Variants in CADM2 observed in about 807,000 individuals in gnomAD.
CADM2 encodes the protein immunoglobulin superfamily member 4D.
In CADM2, 12 loss-of-function variants were observed where a neutral mutation model predicts 49.8. That is an observed-to-expected ratio of 0.24 (90% CI 0.15 to 0.39). The LOEUF is 0.39. Among genes scored for constraint, CADM2 ranks in the 10% least tolerant of loss-of-function variants. The pLI is 1.00. For missense variants in CADM2, 378 were observed against 492.3 expected (o/e 0.77, Z 2.20); for synonymous variants, 214 against 175.4 (o/e 1.22, Z -1.74).
At chr3:85,324,099 A>G (rs1387388956) in intron 1 of CADM2, among the ~76,000 whole-genome samples, 2 of 152,214 alleles carry the variant, frequency 1.3e-5, no homozygotes, top group South Asian at 2.1e-4. Context: ...TCCATTTTAT[A>G]TGCTGCATCC....
intron 7 of CADM2, among the ~76,000 whole-genome samples, chr3:85,936,913 G>C (rs1053466405): frequency 1.3e-4 from 20 of 151,458 alleles, no homozygotes; most frequent in African/African-American, 3.9e-4. Flanking sequence ...GATTGTTTTT[G>C]GTCTTCTTTC....
intron 1 of CADM2, among the ~76,000 whole-genome samples, chr3:85,544,350 G>A (rs1169711956): frequency 6.6e-6 from 1 of 151,984 alleles, no homozygotes; most frequent in Non-Finnish European, 1.5e-5. Flanking sequence ...AGGCCGAGGC[G>A]GGCGGATCAC....
At position 86,072,525 on chromosome 3, in the gene CADM2, C is replaced by T. The variant is rs1703343680; in HGVS notation, c.*5742C>T. 6.6e-6 allele frequency: 1 copy of T among 152,006 alleles called. No homozygotes were observed. The highest frequency in any genetic ancestry group is 1.5e-5 in the Non-Finnish European group (1 of 67,964). The allele number at this position is 152,006 out of a possible 1,614,324, so 9.4% of individuals were successfully genotyped here. A position where few individuals can be genotyped will look rare whatever the true frequency, so the allele number is the denominator to read the frequency against. ...GGCAAAACAAAAACCTACCAGGGCT[C>T]AGCACTTAAGCACTTTTCCCACATC... On this transcript the variant is annotated 3_prime_UTR_variant, in exon 10 of 10. Transcript: ENST00000383699.
chr3:85,855,587 T>TATATATAAAAAAC (rs2075276221), intron 3 of CADM2, among the ~76,000 whole-genome samples: 1 of 90,590 alleles, frequency 1.1e-5, no homozygotes, highest in Non-Finnish European at 2.1e-5. Flanking sequence ...ATAAAAAACA[T>TATATATAAAAAAC]ATATATATAT....
At chr3:85,875,313 A>G (rs1054207336) in intron 3 of CADM2, among the ~76,000 whole-genome samples, 2 of 152,150 alleles carry the variant, frequency 1.3e-5, no homozygotes, top group African/African-American at 4.8e-5. Flanking sequence ...ATAAGATTGT[A>G]TGGAGCTACC....
chr3:85,393,302 C>T (rs1404384837), intron 1 of CADM2, among the ~76,000 whole-genome samples: 1 of 151,984 alleles, frequency 6.6e-6, no homozygotes, highest in South Asian at 2.1e-4. Context: ...GAAAGGTGGT[C>T]CGGGAGAAGG....
chr3:85,055,925 C>T (rs1211586681), intron 1 of CADM2, among the ~76,000 whole-genome samples: 4 of 151,994 alleles, frequency 2.6e-5, no homozygotes, highest in Non-Finnish European at 5.9e-5. Flanking sequence ...AGAAGCACCA[C>T]TCTATTTACT....
At chr3:85,401,958 C>T (rs1436973761) in intron 1 of CADM2, among the ~76,000 whole-genome samples, 2 of 152,114 alleles carry the variant, frequency 1.3e-5, no homozygotes, top group Non-Finnish European at 2.9e-5. Flanking sequence ...GCCGTTATTT[C>T]ACTAATGCTA....
At chr3:85,040,522 G>GAA (rs575150297) in intron 1 of CADM2, among the ~76,000 whole-genome samples, 18 of 143,396 alleles carry the variant, frequency 1.3e-4, no homozygotes, top group South Asian at 6.7e-4. Flanking sequence ...TCTCTTGGGT[G>GAA]AAAAAAAAAA....
At chr3:85,429,135 G>C (rs2036554432) in intron 1 of CADM2, among the ~76,000 whole-genome samples, 1 of 152,034 alleles carries the variant, frequency 6.6e-6, no homozygotes, top group South Asian at 2.1e-4. Flanking sequence ...TAAATAATGA[G>C]AAGGTCCTGT....
intron 1 of CADM2, among the ~76,000 whole-genome samples, chr3:85,128,341 G>C (rs1161039599): frequency 6.6e-6 from 1 of 152,068 alleles, no homozygotes; most frequent in Non-Finnish European, 1.5e-5. Flanking sequence ...AAGTTTTGCT[G>C]TATTCATTTA....
At chr3:85,201,973 G>A (rs2041514162) in intron 1 of CADM2, among the ~76,000 whole-genome samples, 1 of 151,334 alleles carries the variant, frequency 6.6e-6, no homozygotes, top group Non-Finnish European at 1.5e-5. Context: ...CCAGCTACTC[G>A]GGAGGTTGAG....
chr3:86,028,162 T>C lies in CADM2; in HGVS notation c.971-37443T>C, dbSNP rs188759505. Among the ~76,000 whole-genome samples the C allele has an allele frequency of 6.4e-3, 962 of 149,892 alleles. 13 individuals carry two copies. The highest frequency in any genetic ancestry group is 0.021 in the African/African-American group (834 of 40,616). On this transcript the variant is annotated intron_variant, in intron 8 of 9. Transcript: ENST00000383699. ...CACATGTATACATATGTAACTAACC[T>C]GCACGTTGTGCACGTGTACCCTAGA...
intron 8 of CADM2, among the ~76,000 whole-genome samples, chr3:85,978,528 A>G (rs1157268031): frequency 6.6e-6 from 1 of 151,580 alleles, no homozygotes; most frequent in African/African-American, 2.4e-5. Context: ...AAATTATTAG[A>G]AGGCGTTACC....
intron 1 of CADM2, among the ~76,000 whole-genome samples, chr3:85,508,178 C>T (rs952224361): frequency 2.6e-5 from 4 of 152,202 alleles, no homozygotes; most frequent in Admixed American, 6.5e-5. Flanking sequence ...TCCATGAGCA[C>T]GTATTGTTTT....
chr3:85,279,622 GTCTCTAAAT>G (rs2043450518), intron 1 of CADM2, among the ~76,000 whole-genome samples: 3 of 151,374 alleles, frequency 2.0e-5, no homozygotes, highest in African/African-American at 7.2e-5. Flanking sequence ...ACTGGTGATA[GTCTCTAAAT>G]TTATTGACTA....
chr3:85,807,791 A>AGTTCCAG (rs770864907), intron 3 of CADM2, among the ~76,000 whole-genome samples: 94 of 152,198 alleles, frequency 6.2e-4, no homozygotes, highest in Admixed American at 1.4e-3. Context: ...GTCATAATAT[A>AGTTCCAG]CCTTGTCCAG....
chr3:85,439,155 C>CTTT (rs373522509), intron 1 of CADM2, among the ~76,000 whole-genome samples: 4,009 of 141,008 alleles, frequency 0.028, 195 homozygotes, highest in African/African-American at 0.1. Context: ...CTTATAATGA[C>CTTT]TTTTTTTTTT....
intron 1 of CADM2, among the ~76,000 whole-genome samples, chr3:85,212,884 T>TCTCTCTCTCTCTCTCTCTCTCTCTC (rs1237101392): frequency 7.6e-5 from 6 of 78,608 alleles, no homozygotes; most frequent in Admixed American, 2.9e-4. Flanking sequence ...CTTTCTTTCT[T>TCTCTCTCTCTCTCTCTCTCTCTCTC]TCTCTTTCTT....
Sources: gnomAD v4.1 joint callset for allele counts (sites outside exome capture counted in the v4.1 genomes callset) on GRCh38, gnomAD v4.1.1 for gene constraint, MANE v1.5 for transcripts, NCBI Gene and HGNC (gene_info 2026-07-23, HGNC 2026-07-21) for gene names.